Variants in ACSM5 observed in about 807,000 individuals in gnomAD.
ACSM5 encodes the protein acyl-CoA synthetase medium chain family member 5.
Under a neutral mutation model 71.6 loss-of-function variants are expected in ACSM5, and 56 were observed. The ratio of observed to expected loss-of-function variants is 0.78; its 90% CI spans 0.63 to 0.98. ACSM5 has a LOEUF of 0.98. Ranked by LOEUF, ACSM5 falls within the 50% of genes least tolerant of loss-of-function variation. The probability of loss-of-function intolerance (pLI) is 0.00; values close to 1 mark genes in which losing one functional copy is unlikely to be tolerated. For synonymous variants in ACSM5, 285 were observed against 281.5 expected, an observed-to-expected ratio of 1.01 and a Z score of -0.12; for missense variants, 723 against 726.0, an observed-to-expected ratio of 1.00 and a Z score of 0.05.
chr16:20,437,140 G>A lies in ACSM5; in HGVS notation c.1397G>A (p.Trp466Ter), dbSNP rs757493492. The A allele has an allele frequency of 6.2e-7, 1 of 1,614,162 alleles. No individual in the cohort carries two copies. The highest frequency in any genetic ancestry group is 1.1e-5 in the South Asian group (1 of 91,086). ...RARMDKDGYF[W>*]FMGRNDDVIN... ...CGCATGGACAAGGATGGCTACTTTT[G>A]GTTCATGGGAAGAAACGACGATGTG... The change falls in exon 11 of 14, where the codon TGG becomes TAG. Residue 466 changes from tryptophan (W) to a stop codon, truncating the protein, a stop_gained. Coordinates refer to ENST00000331849, the MANE Select transcript of ACSM5 (RefSeq NM_017888.3). LOFTEE classifies it high-confidence loss of function.
Position 20,423,948 on chromosome 16 carries a change from T to C in ACSM5, c.800T>C (p.Phe267Ser). The C allele has an allele frequency of 6.2e-7, 1 of 1,614,198 alleles. No individual in the cohort carries two copies. The highest frequency in any genetic ancestry group is 8.5e-7 in the Non-Finnish European group (1 of 1,180,024). Residue 267 changes from phenylalanine (F) to serine (S), a missense_variant, in exon 6 of 14, where the codon TTC (phenylalanine) becomes TCC (serine). Phe to Ser is a radical substitution (Grantham distance 155). Transcript: ENST00000331849. ...GTGGCCTTGACCGAATCTGACATCT[T>C]CTGGAACACGACTGACACTGGCTGG... is the stretch of plus-strand genomic sequence containing the variant. ...RWVALTESDI[F>S]WNTTDTGWVK... is the part of the protein sequence containing the mutation.
At chr16:20,427,321 A>C (rs2141653335) in intron 6 of ACSM5, among the ~76,000 whole-genome samples, 1 of 152,048 alleles carries the variant, frequency 6.6e-6, no homozygotes, top group African/African-American at 2.4e-5. Context: ...CAAAAAACAA[A>C]ACAAAAACCT....
rs1474280095 is a variant in ACSM5, at chr16:20,441,238, T to C, written c.*811T>C. Reference sequence around the variant, plus strand: ...AGGGAGAGAAAATAATGGATGGTAGTTTTTCTTCTTCCTTTTTCCATTACA... The same window carrying C: ...AGGGAGAGAAAATAATGGATGGTAGCTTTTCTTCTTCCTTTTTCCATTACA... On this transcript the variant is annotated 3_prime_UTR_variant, in exon 14 of 14. Coordinates refer to ENST00000331849, the MANE Select transcript of ACSM5 (RefSeq NM_017888.3). 1 of 152,208 alleles carries C rather than the reference T, an allele frequency of 6.6e-6. No individual in the cohort carries two copies. Among genetic ancestry groups the C allele is most frequent in the Admixed American group, 6.5e-5 (1 of 15,282 alleles). The allele number at this position is 152,208 out of a possible 1,614,324, so 9.4% of individuals were successfully genotyped here.
Position 20,420,744 on chromosome 16 carries a change from A to G in ACSM5, c.624-514A>G, listed in dbSNP as rs1371801996. Reference sequence around the variant, plus strand: ...TAAAGATTCTGATTTTATTTTGTTCAGGGTGGATACAGACAAGTTTCTTCC... The same window carrying G: ...TAAAGATTCTGATTTTATTTTGTTCGGGGTGGATACAGACAAGTTTCTTCC... On this transcript the variant is annotated intron_variant, in intron 4 of 13. Coordinates refer to ENST00000331849, the MANE Select transcript of ACSM5 (RefSeq NM_017888.3). Among the ~76,000 whole-genome samples the G allele has an allele frequency of 7.7e-4, 117 of 152,194 alleles. 1 individual carries two copies. The highest frequency in any genetic ancestry group is 7.7e-3 in the Admixed American group (117 of 15,278).
chr16:20,415,548 G>A (rs192256208), intron 2 of ACSM5, among the ~76,000 whole-genome samples: 27 of 152,336 alleles, frequency 1.8e-4, no homozygotes, highest in Middle Eastern at 3.4e-3. Flanking sequence ...GTACTGGACA[G>A]AGAGAGGAAA....
At chr16:20,424,565 T>C (rs913540207) in intron 6 of ACSM5, among the ~76,000 whole-genome samples, 20 of 152,216 alleles carry the variant, frequency 1.3e-4, no homozygotes, top group African/African-American at 4.6e-4. Context: ...CTGTCATTCC[T>C]TAAAATGTCA....
At chr16:20,431,571 T>C (rs1409144496) in intron 10 of ACSM5, among the ~76,000 whole-genome samples, 3 of 152,084 alleles carry the variant, frequency 2.0e-5, no homozygotes, top group Admixed American at 6.6e-5. Context: ...TGTGGGTGTG[T>C]CTGAAAGCGT....
At chr16:20,413,560 A>T (rs1230697387) in intron 2 of ACSM5, among the ~76,000 whole-genome samples, 1 of 152,232 alleles carries the variant, frequency 6.6e-6, no homozygotes, top group African/African-American at 2.4e-5. Flanking sequence ...GATGGATAAC[A>T]GTGGGACAAA....
At chr16:20,411,713 C>T in intron 2 of ACSM5, 25 bp downstream of exon 2, 1 of 1,609,652 alleles carries the variant, frequency 6.2e-7, no homozygotes, top group South Asian at 1.1e-5. Flanking sequence ...GTCCTAGAGT[C>T]CATCTGGGGC....
Position 20,431,146 on chromosome 16 carries a change from G to A in ACSM5, c.1206+73G>A, listed in dbSNP as rs528029586. The stretch of plus-strand genomic sequence containing the variant: ...AAGACACACAGGCCTGGTTGGCACG[G>A]GCTGCTGGGCTGCTGGGAGAGGCCC... On this transcript the variant is annotated intron_variant, in intron 9 of 13. Transcript: ENST00000331849. 9.4e-6 allele frequency: 15 copies of A among 1,589,272 alleles called. No homozygotes were observed. The East Asian group carries it at 2.7e-4, about 28-fold the overall frequency.
chr16:20,415,391 T>C (rs1485610678), intron 2 of ACSM5, among the ~76,000 whole-genome samples: 1 of 152,128 alleles, frequency 6.6e-6, no homozygotes, highest in African/African-American at 2.4e-5. Context: ...CCTTCAGCCA[T>C]GGAGGCAGAA....
intron 3 of ACSM5, 63 bp downstream of exon 3, chr16:20,418,332 G>A (rs1442524288): frequency 3.4e-6 from 5 of 1,479,312 alleles, no homozygotes; most frequent in Non-Finnish European, 3.7e-6. Flanking sequence ...GCTTTGCAGT[G>A]TCCACAGGGT....
intron 6 of ACSM5, among the ~76,000 whole-genome samples, chr16:20,426,827 T>G (rs1966989574): frequency 6.6e-6 from 1 of 151,982 alleles, no homozygotes; most frequent in Non-Finnish European, 1.5e-5. Context: ...GTTCTGGAGG[T>G]GGATGGTAGC....
Position 20,439,847 on chromosome 16 carries a change from C to A in ACSM5, c.1584C>A (p.Asp528Glu). 3 of 1,611,632 alleles carry A rather than the reference C, an allele frequency of 1.9e-6. No individual in the cohort carries two copies. The highest frequency in any genetic ancestry group is 2.5e-6 in the Non-Finnish European group (3 of 1,178,118). Residue 528 changes from aspartate to glutamate, a missense_variant, in exon 13 of 14, where the codon GAC becomes GAA. Physicochemically the swap from Asp to Glu is conservative, Grantham distance 45. Transcript: ENST00000331849. ...IVLTPAYSSH[D>E]PEALTRELQE... ...TTACTCCAGCCTACTCCTCTCATGACCCAGAGGCACTAACGCGGGAACTCC... is the reference window on the plus strand; with the variant it reads ...TTACTCCAGCCTACTCCTCTCATGAACCAGAGGCACTAACGCGGGAACTCC...
intron 10 of ACSM5, among the ~76,000 whole-genome samples, chr16:20,432,507 C>G (rs1967118509): frequency 6.6e-6 from 1 of 152,204 alleles, no homozygotes; most frequent in Non-Finnish European, 1.5e-5. Flanking sequence ...AATCCCACAA[C>G]ATAGTAATCA....
intron 8 of ACSM5, 44 bp downstream of exon 8, chr16:20,429,845 G>C (rs368810060): frequency 1.2e-6 from 2 of 1,601,962 alleles, no homozygotes; most frequent in Admixed American, 3.4e-5. Context: ...AGGTCCCCTC[G>C]AGAGCTTCCT....
At chr16:20,426,211 C>T (rs1434340020) in intron 6 of ACSM5, among the ~76,000 whole-genome samples, 1 of 152,230 alleles carries the variant, frequency 6.6e-6, no homozygotes, top group East Asian at 1.9e-4. Flanking sequence ...TCAAACTCAT[C>T]ACCATCATTA....
At chr16:20,438,675 G>A (rs144008647) in intron 12 of ACSM5, among the ~76,000 whole-genome samples, 1,723 of 151,764 alleles carry the variant, frequency 0.011, 40 homozygotes, top group African/African-American at 0.039. Flanking sequence ...CAACACATAA[G>A]CCGGACACGG....
intron 10 of ACSM5, among the ~76,000 whole-genome samples, chr16:20,433,561 C>CA (rs1467624932): frequency 6.7e-5 from 10 of 148,886 alleles, no homozygotes; most frequent in South Asian, 2.1e-4. Flanking sequence ...TGAACAAAAG[C>CA]AAAAAAACAA....
Sources: allele counts gnomAD v4.1 joint callset (sites outside exome capture counted in the v4.1 genomes callset), GRCh38; gene constraint gnomAD v4.1.1; transcripts MANE v1.5; gene names NCBI Gene and HGNC (gene_info 2026-07-23, HGNC 2026-07-21).